KLHL29: variants seen among roughly 807,000 people sequenced by gnomAD.
KLHL29 encodes the protein kelch-like protein 29.
KLHL29 carries 21 observed loss-of-function variants against 80.4 expected under a neutral mutation model. The ratio of observed to expected loss-of-function variants is 0.26; its 90% CI spans 0.19 to 0.38. The LOEUF (loss-of-function observed/expected upper bound fraction) is 0.38. Among genes scored for constraint, KLHL29 ranks in the 10% least tolerant of loss-of-function variants. The pLI is 1.00. For synonymous variants in KLHL29, 511 were observed against 526.8 expected (o/e 0.97, Z 0.41); for missense variants, 867 against 1,223.9 (o/e 0.71, Z 4.35).
intron 1 of KLHL29, among the ~76,000 whole-genome samples, chr2:23,388,676 C>G (rs1179612037): frequency 6.6e-6 from 1 of 152,116 alleles, no homozygotes; most frequent in Non-Finnish European, 1.5e-5. Context: ...CAAACCATTC[C>G]TAGTTTAAAG....
intron 2 of KLHL29, among the ~76,000 whole-genome samples, chr2:23,479,050 T>C (rs1664715722): frequency 6.6e-6 from 1 of 151,726 alleles, no homozygotes; most frequent in South Asian, 2.1e-4. Context: ...CCTCTTGGCC[T>C]CCGTGGTGTC....
At chr2:23,698,109 G>A (rs1027525813) in intron 11 of KLHL29, among the ~76,000 whole-genome samples, 7 of 152,236 alleles carry the variant, frequency 4.6e-5, no homozygotes, top group African/African-American at 1.7e-4. Context: ...AGTTCTCCAA[G>A]ACCAGGGGTT....
chr2:23,442,205 C>G (rs1161858283), intron 1 of KLHL29, among the ~76,000 whole-genome samples: 1 of 152,128 alleles, frequency 6.6e-6, no homozygotes, highest in East Asian at 1.9e-4. Context: ...ATCCTCCCAC[C>G]TCAGCCTTCC....
At position 23,599,984 on chromosome 2, in the gene KLHL29, A is replaced by G. The variant is rs541078135; in HGVS notation, c.285+37503A>G. Among the ~76,000 whole-genome samples the G allele has an allele frequency of 2.2e-4, 33 of 152,290 alleles. No individual in the cohort carries two copies. In the South Asian group the frequency reaches 6.0e-3, roughly 28 times the overall value. ...CCCCTTTTCATTCTGCAGGGTGTGC[A>G]TACACACGTGCAGGAGATACGCCAC... On this transcript the variant is annotated intron_variant, in intron 3 of 13. Transcript: ENST00000486442.
intron 1 of KLHL29, among the ~76,000 whole-genome samples, chr2:23,432,274 C>G (rs901356025): frequency 1.3e-5 from 2 of 152,184 alleles, no homozygotes; most frequent in African/African-American, 4.8e-5. Context: ...ATTAATAATG[C>G]CAAAGCATTG....
At chr2:23,666,572 C>A (rs182684705) in intron 5 of KLHL29, among the ~76,000 whole-genome samples, 1 of 152,204 alleles carries the variant, frequency 6.6e-6, no homozygotes, top group East Asian at 1.9e-4. Flanking sequence ...ATGACTGTTC[C>A]GCAAAGCCCG....
At chr2:23,446,956 C>T (rs1663712442) in intron 1 of KLHL29, among the ~76,000 whole-genome samples, 1 of 152,206 alleles carries the variant, frequency 6.6e-6, no homozygotes, top group Non-Finnish European at 1.5e-5. Flanking sequence ...TTTTCTTGGA[C>T]AGGTTTACCT....
At chr2:23,697,650 T>A (rs1213147454) in intron 11 of KLHL29, 1 of 152,242 alleles carries the variant, frequency 6.6e-6, no homozygotes, top group African/African-American at 2.4e-5. Flanking sequence ...ATGCTCATTG[T>A]GGGCTTTTAA....
At chr2:23,558,105 C>T (rs1043505029) in intron 2 of KLHL29, among the ~76,000 whole-genome samples, 2 of 152,174 alleles carry the variant, frequency 1.3e-5, no homozygotes, top group African/African-American at 2.4e-5. Context: ...CCATCCTATC[C>T]GCCAGACTCC....
intron 1 of KLHL29, among the ~76,000 whole-genome samples, chr2:23,391,522 C>T (rs1666322154): frequency 6.6e-6 from 1 of 152,104 alleles, no homozygotes; most frequent in Middle Eastern, 3.4e-3. Context: ...CTGCCTCCCG[C>T]GTTCAAGGGT....
intron 2 of KLHL29, among the ~76,000 whole-genome samples, chr2:23,509,351 T>C (rs1665702845): frequency 1.3e-5 from 2 of 152,170 alleles, no homozygotes; most frequent in South Asian, 4.1e-4. Context: ...TCCAGGATCT[T>C]CATTGGACTG....
chr2:23,496,464 A>G (rs1336536610), intron 2 of KLHL29, among the ~76,000 whole-genome samples: 1 of 152,164 alleles, frequency 6.6e-6, no homozygotes, highest in Non-Finnish European at 1.5e-5. Flanking sequence ...CAGAAAGAGC[A>G]CAGCCCTGGT....
chr2:23,506,735 A>G (rs1217763992), intron 2 of KLHL29, among the ~76,000 whole-genome samples: 1 of 152,130 alleles, frequency 6.6e-6, no homozygotes, highest in Non-Finnish European at 1.5e-5. Flanking sequence ...CTCTTCCAGG[A>G]ACCACCGGCT....
chr2:23,624,086 G>A (rs1335885301), intron 3 of KLHL29, among the ~76,000 whole-genome samples: 1 of 152,168 alleles, frequency 6.6e-6, no homozygotes, highest in Non-Finnish European at 1.5e-5. Context: ...AGGGAGAATG[G>A]CCCCTGGAGG....
At chr2:23,667,558 G>GAAGT (rs1445477975) in intron 5 of KLHL29, 1 of 152,652 alleles carries the variant, frequency 6.6e-6, no homozygotes, top group Non-Finnish European at 1.5e-5. Context: ...TGAGGACTGT[G>GAAGT]AAGTGCCAGT....
intron 1 of KLHL29, among the ~76,000 whole-genome samples, chr2:23,460,948 G>T (rs1411627775): frequency 6.6e-6 from 1 of 152,238 alleles, no homozygotes. Context: ...CAGAGTAGCT[G>T]TGGCCATAGA....
chr2:23,655,190 A>T (rs1670210542), intron 5 of KLHL29, among the ~76,000 whole-genome samples: 1 of 152,164 alleles, frequency 6.6e-6, no homozygotes, highest in Non-Finnish European at 1.5e-5. Context: ...CCACCACCAA[A>T]GCCACTGGAG....
At chr2:23,650,909 C>G (rs912161999) in intron 5 of KLHL29, among the ~76,000 whole-genome samples, 1 of 150,648 alleles carries the variant, frequency 6.6e-6, no homozygotes. Context: ...GCCGCTTGTC[C>G]CCATGTGATG....
At chr2:23,488,974 TG>T (rs1167681827) in intron 2 of KLHL29, among the ~76,000 whole-genome samples, 3 of 152,238 alleles carry the variant, frequency 2.0e-5, no homozygotes, top group African/African-American at 7.2e-5. Context: ...CTCTCGCTTC[TG>T]GGGTGGCTAC....
Sources: gnomAD v4.1 joint callset for allele counts (sites outside exome capture counted in the v4.1 genomes callset) on GRCh38, gnomAD v4.1.1 for gene constraint, MANE v1.5 for transcripts, NCBI Gene and HGNC (gene_info 2026-07-23, HGNC 2026-07-21) for gene names.